The following TRPA1 variants were observed in gnomAD, a reference collection of about 807,000 sequenced individuals.
TRPA1 encodes the protein transient receptor potential cation channel subfamily A member 1, also known as ankyrin-like with transmembrane domains 1.
TRPA1 carries 129 observed loss-of-function variants against 131.3 expected under a neutral mutation model. That is an observed-to-expected ratio of 0.98 (90% CI 0.85 to 1.14). The LOEUF is 1.14. Among genes scored for constraint, TRPA1 ranks in the 50% most tolerant of loss-of-function variants. TRPA1 has a pLI of 0.00. For missense variants in TRPA1, 1,304 were observed against 1,354.2 expected (o/e 0.96, Z 0.58); for synonymous variants, 441 against 451.7 (o/e 0.98, Z 0.30).
intron 3 of TRPA1, among the ~76,000 whole-genome samples, 181 bp downstream of exon 3, chr8:72,068,842 G>T (rs750961815): frequency 9.2e-5 from 14 of 152,168 alleles, no homozygotes; most frequent in Non-Finnish European, 1.8e-4. Context: ...ATTCAATAAA[G>T]TCAAAACTAA....
chr8:72,050,670 G>A (rs1417828953), intron 15 of TRPA1, 108 bp downstream of exon 15: 2 of 798,754 alleles, frequency 2.5e-6, no homozygotes, highest in African/African-American at 3.4e-5. Context: ...ACAGCCTATG[G>A]AAAATGAGAA....
In TRPA1 at chr8:72,039,637, T is replaced by C; in HGVS notation, c.2132+90A>G. 3.3e-6 allele frequency: 3 copies of C among 910,522 alleles called. No individual in the cohort carries two copies. In the South Asian group the frequency reaches 4.3e-5, roughly 13 times the overall value. 56.4% of individuals were successfully genotyped at this position (910,522 alleles called of 1,614,324 possible). A position where few individuals can be genotyped will look rare whatever the true frequency, so the allele number is the denominator to read the frequency against. On this transcript the variant is annotated intron_variant, in intron 18 of 26. Coordinates refer to ENST00000262209, the MANE Select transcript of TRPA1 (RefSeq NM_007332.3). ...ATTAAAATAACAAAAGCTAAAACAT[T>C]AAAATACCATTACAATATAATTGTT...
chr8:72,074,490 G>C (rs1806132348), intron 1 of TRPA1, among the ~76,000 whole-genome samples: 1 of 152,138 alleles, frequency 6.6e-6, no homozygotes, highest in African/African-American at 2.4e-5. Context: ...TCTGTCGAAA[G>C]AGATTTGTGA....
intron 13 of TRPA1, chr8:72,053,433 C>G (rs1000227712): frequency 5.2e-6 from 2 of 387,982 alleles, no homozygotes; most frequent in African/African-American, 4.1e-5. Flanking sequence ...TAACACTTAT[C>G]TTAATGAAAA....
chr8:72,023,130 C>A lies in TRPA1; in HGVS notation c.3150-14G>T. 3 of 1,609,900 alleles carry A rather than the reference C, an allele frequency of 1.9e-6. No homozygotes were observed. The highest frequency in any genetic ancestry group is 2.5e-6 in the Non-Finnish European group (3 of 1,178,036). Reference sequence around the variant, plus strand: ...AGATCCTTCAGCCTAAAAGGACATACACATTTCATGAATTTATTTTCAGTT... The same window carrying A: ...AGATCCTTCAGCCTAAAAGGACATAAACATTTCATGAATTTATTTTCAGTT... On this transcript the variant is annotated splice_polypyrimidine_tract_variant and intron_variant, in intron 26 of 26. Transcript: ENST00000262209.
intron 17 of TRPA1, among the ~76,000 whole-genome samples, chr8:72,044,826 T>C (rs962707610): frequency 2.6e-5 from 4 of 152,020 alleles, no homozygotes; most frequent in African/African-American, 9.7e-5. Context: ...TATTAAGGCA[T>C]TGCAGAATCA....
intron 12 of TRPA1, chr8:72,055,116 G>T (rs539871302): frequency 9.5e-5 from 31 of 327,944 alleles, no homozygotes; most frequent in African/African-American, 5.9e-4. Flanking sequence ...ATGGCAGCAT[G>T]ATGAGGTAAA....
rs1416674476 is a variant in TRPA1, at chr8:72,055,454, T to C, written c.1511A>G (p.Lys504Arg). ...TCCTCACCTGAGAAACAATGCACCT[T>C]TTTTCAGAAGAAGCTGAACTACTTT... Reference protein sequence around the residue: ...HDKVVQLLLKKGALFLSDHNG... With the variant: ...HDKVVQLLLKRGALFLSDHNG... The change falls in exon 12 of 27, where the codon AAA becomes AGA. Residue 504 changes from lysine (K) to arginine (R), a missense_variant. Transcript: ENST00000262209. 5 of 1,613,056 alleles carry C rather than the reference T, an allele frequency of 3.1e-6. No homozygotes were observed. The highest frequency in any genetic ancestry group is 3.4e-6 in the Non-Finnish European group (4 of 1,179,324).
At chr8:72,053,510 C>G in intron 13 of TRPA1, 2 of 525,942 alleles carry the variant, frequency 3.8e-6, no homozygotes, top group Non-Finnish European at 3.4e-6. Flanking sequence ...ATTTCATTGG[C>G]CTGTGGACCT....
chr8:72,055,693 C>T lies in TRPA1; in HGVS notation c.1357G>A (p.Ala453Thr). 1 of 1,613,610 alleles carries T rather than the reference C, an allele frequency of 6.2e-7. No individual in the cohort carries two copies. Among genetic ancestry groups the T allele is most frequent in the Non-Finnish European group, 8.5e-7 (1 of 1,179,682 alleles). ...SKDKKSPLHF[A>T]ASYGRINTCQ... Reference sequence around the variant, plus strand: ...TGCTAGACTGACCCTTACCTGGCTGCAAAATGCAGAGGTGATTTCTTATCT... The same window carrying T: ...TGCTAGACTGACCCTTACCTGGCTGTAAAATGCAGAGGTGATTTCTTATCT... The change falls in exon 11 of 27, where the codon GCA becomes ACA. Residue 453 changes from alanine (A) to threonine (T), a missense_variant. Ala to Thr is a moderately conservative substitution (Grantham distance 58). Transcript: ENST00000262209.
rs1298100545 is a variant in TRPA1 at position 72,069,190 on chromosome 8, C to T, written c.277G>A (p.Glu93Lys). The T allele has an allele frequency of 6.2e-7, 1 of 1,614,180 alleles. No individual in the cohort carries two copies. The highest frequency in any genetic ancestry group is 1.3e-5 in the African/African-American group (1 of 75,058). Residue 93 changes from glutamate to lysine, a missense_variant, in exon 3 of 27, where the codon GAA becomes AAA. Transcript: ENST00000262209. Reference sequence around the variant, plus strand: ...GGGGTATTTCCATAATCATCCATTTCATGCAGCACTAGAAAAAGAAACCAG... The same window carrying T: ...GGGGTATTTCCATAATCATCCATTTTATGCAGCACTAGAAAAAGAAACCAG... Reference protein sequence around the residue: ...TRDSSLEVLHEMDDYGNTPLH... With the variant: ...TRDSSLEVLHKMDDYGNTPLH...
chr8:72,045,099 G>A (rs1415600220), intron 17 of TRPA1, among the ~76,000 whole-genome samples: 1 of 151,960 alleles, frequency 6.6e-6, no homozygotes, highest in African/African-American at 2.4e-5. Context: ...GTTACTGTTA[G>A]ATCACTGGGC....
chr8:72,046,674 T>A (rs1197250108), intron 16 of TRPA1, 66 bp from the exon 17 acceptor site: 11 of 827,526 alleles, frequency 1.3e-5, no homozygotes, highest in Admixed American at 1.1e-4. Flanking sequence ...CCCAAAGTAA[T>A]TCTTGAAAAA....
chr8:72,075,257 C>G, intron 1 of TRPA1, 42 bp downstream of exon 1: 2 of 1,509,140 alleles, frequency 1.3e-6, no homozygotes, highest in South Asian at 2.2e-5. Context: ...GACCCCCGCC[C>G]GCACGTCGGA....
chr8:72,042,895 C>A (rs1169394908), intron 17 of TRPA1, among the ~76,000 whole-genome samples: 1 of 151,662 alleles, frequency 6.6e-6, no homozygotes, highest in African/African-American at 2.4e-5. Flanking sequence ...GGGTGGTTGC[C>A]AAGGGCTGGG....
intron 21 of TRPA1, among the ~76,000 whole-genome samples, chr8:72,036,052 A>G (rs1034297806): frequency 1.7e-4 from 26 of 151,938 alleles, no homozygotes; most frequent in East Asian, 3.9e-4. Context: ...AGAAGAAGAA[A>G]AAAGAATTAT....
chr8:72,056,752 C>A (rs1472210952), intron 10 of TRPA1, among the ~76,000 whole-genome samples, 165 bp downstream of exon 10: 1 of 152,098 alleles, frequency 6.6e-6, no homozygotes, highest in Non-Finnish European at 1.5e-5. Context: ...ACCACCACCA[C>A]CATCACCATG....
Position 72,057,785 on chromosome 8 carries a change from C to T in TRPA1, c.1025G>A (p.Gly342Glu). 1 of 1,613,808 alleles carries T rather than the reference C, an allele frequency of 6.2e-7. No homozygotes were observed. ...AGTTGCTAATATAAGTGGAGAGCGTCCTTCAGAATCGATCTTATTAATATC... is the reference window on the plus strand; with the variant it reads ...AGTTGCTAATATAAGTGGAGAGCGTTCTTCAGAATCGATCTTATTAATATC... ...GADINKIDSE[G>E]RSPLILATAS... The change falls in exon 9 of 27, where the codon GGA becomes GAA. Residue 342 changes from glycine to glutamate, a missense_variant. Transcript: ENST00000262209.
intron 13 of TRPA1, 37 bp downstream of exon 13, chr8:72,053,716 T>G (rs200779164): frequency 2.9e-4 from 427 of 1,468,258 alleles, no homozygotes; most frequent in Non-Finnish European, 3.7e-4. Flanking sequence ...TCTGCTATAT[T>G]GAGATTTTGG....
Sources: allele counts gnomAD v4.1 joint callset (sites outside exome capture counted in the v4.1 genomes callset), GRCh38; gene constraint gnomAD v4.1.1; transcripts MANE v1.5; gene names NCBI Gene and HGNC (gene_info 2026-07-23, HGNC 2026-07-21).